CADPS2: variants seen among roughly 807,000 people sequenced by gnomAD.
CADPS2 encodes the protein calcium dependent secretion activator 2.
In CADPS2, 93 loss-of-function variants were observed where a neutral mutation model predicts 172.5. The observed-to-expected ratio is 0.54, with a 90% confidence interval of 0.46 to 0.64. The LOEUF (loss-of-function observed/expected upper bound fraction) is 0.64, where lower values mean the gene tolerates loss of function less well. CADPS2 is among the 30% of genes least tolerant of loss of function. The probability of loss-of-function intolerance (pLI) is 0.00; values close to 1 mark genes in which losing one functional copy is unlikely to be tolerated. For missense variants in CADPS2, 1,420 were observed against 1,565.9 expected (o/e 0.91, Z 1.57); for synonymous variants, 546 against 555.2 (o/e 0.98, Z 0.23).
intron 1 of CADPS2, among the ~76,000 whole-genome samples, chr7:122,826,812 T>G (rs373111426): frequency 6.6e-6 from 1 of 151,994 alleles, no homozygotes; most frequent in East Asian, 1.9e-4. Context: ...AAAGGAAAAT[T>G]TGTAGCATTA....
intron 6 of CADPS2, among the ~76,000 whole-genome samples, chr7:122,588,485 G>C (rs1231032711): frequency 2.6e-5 from 4 of 151,844 alleles, no homozygotes; most frequent in African/African-American, 9.7e-5. Flanking sequence ...TGTCAGGTTT[G>C]TCACGATGAA....
chr7:122,506,251 C>A (rs1390919581), intron 9 of CADPS2, among the ~76,000 whole-genome samples: 1 of 152,112 alleles, frequency 6.6e-6, no homozygotes, highest in African/African-American at 2.4e-5. Flanking sequence ...ATATAATTTA[C>A]TAAATTGAAA....
intron 2 of CADPS2, among the ~76,000 whole-genome samples, chr7:122,723,196 A>C (rs2090671655): frequency 6.6e-6 from 1 of 152,174 alleles, no homozygotes; most frequent in South Asian, 2.1e-4. Flanking sequence ...TAATTAAACT[A>C]AAGAGCTTCT....
intron 1 of CADPS2, among the ~76,000 whole-genome samples, chr7:122,828,326 G>A (rs749770343): frequency 6.6e-6 from 1 of 151,270 alleles, no homozygotes; most frequent in Non-Finnish European, 1.5e-5. Context: ...GGAGTTTCCT[G>A]TAAGCAACAT....
intron 27 of CADPS2, among the ~76,000 whole-genome samples, chr7:122,350,684 G>A (rs547763547): frequency 6.6e-6 from 1 of 152,244 alleles, no homozygotes; most frequent in Non-Finnish European, 1.5e-5. Flanking sequence ...GATGGGAAGA[G>A]AAACAGTTGA....
chr7:122,821,131 A>G (rs1584640015), intron 1 of CADPS2, among the ~76,000 whole-genome samples: 1 of 151,516 alleles, frequency 6.6e-6, no homozygotes, highest in South Asian at 2.1e-4. Context: ...CTGATACCAC[A>G]CCTGACCCCC....
chr7:122,610,420 AACT>A (rs2074147782), intron 6 of CADPS2, among the ~76,000 whole-genome samples: 2 of 143,934 alleles, frequency 1.4e-5, no homozygotes. Flanking sequence ...ATTCTGTAGA[AACT>A]ACGATAAGCA....
At chr7:122,851,267 G>A (rs1312054405) in intron 1 of CADPS2, among the ~76,000 whole-genome samples, 1 of 152,124 alleles carries the variant, frequency 6.6e-6, no homozygotes, top group Non-Finnish European at 1.5e-5. Context: ...GCAGTCCCCA[G>A]GGATGTTCAA....
At chr7:122,702,101 A>G in intron 2 of CADPS2, 1 of 1,613,510 alleles carries the variant, frequency 6.2e-7, no homozygotes, top group Non-Finnish European at 8.5e-7. Context: ...AGAATTGGGC[A>G]CTCTAGGTGT....
chr7:122,636,471 T>C (rs1243493361), intron 3 of CADPS2, among the ~76,000 whole-genome samples: 1 of 146,948 alleles, frequency 6.8e-6, no homozygotes, highest in African/African-American at 2.5e-5. Context: ...TGTTTTTTTT[T>C]TTTTTTTTTT....
Position 122,494,878 on chromosome 7 carries a change from AG to A in CADPS2, c.1543-3459del, listed in dbSNP as rs569615607. ...CAAATGAAAGTCAGTTGCTCCCATA[AG>A]GGTTTTTTTTTTTTATTTTTTGGTA... is the stretch of plus-strand genomic sequence containing the variant. On this transcript the variant is annotated intron_variant, in intron 9 of 29. Coordinates refer to ENST00000449022, the MANE Select transcript of CADPS2 (RefSeq NM_017954.11). Among the ~76,000 whole-genome samples the A allele has an allele frequency of 4.4e-4, 66 of 150,936 alleles. No homozygotes were observed. In the South Asian group the frequency reaches 0.014, roughly 31 times the overall value.
At chr7:122,793,917 T>C (rs1795816379) in intron 1 of CADPS2, among the ~76,000 whole-genome samples, 1 of 152,118 alleles carries the variant, frequency 6.6e-6, no homozygotes, top group Non-Finnish European at 1.5e-5. Context: ...AAACTCTAGG[T>C]TGGAATTTCT....
intron 25 of CADPS2, among the ~76,000 whole-genome samples, chr7:122,375,815 G>C (rs915807877): frequency 6.6e-6 from 1 of 150,804 alleles, no homozygotes; most frequent in Admixed American, 6.6e-5. Flanking sequence ...TCAACATAAT[G>C]AAAAGGCAAC....
intron 1 of CADPS2, among the ~76,000 whole-genome samples, chr7:122,864,741 G>C (rs1038572981): frequency 6.6e-6 from 1 of 152,086 alleles, no homozygotes; most frequent in Non-Finnish European, 1.5e-5. Context: ...AAATTACAAA[G>C]CAAACTGTAG....
intron 1 of CADPS2, among the ~76,000 whole-genome samples, chr7:122,850,946 G>T (rs1813409111): frequency 6.6e-6 from 1 of 152,180 alleles, no homozygotes; most frequent in Non-Finnish European, 1.5e-5. Context: ...CCCAGCATAT[G>T]GCAGCTGGTA....
chr7:122,709,721 G>A (rs1357161298), intron 2 of CADPS2, among the ~76,000 whole-genome samples: 4 of 152,078 alleles, frequency 2.6e-5, no homozygotes, highest in African/African-American at 9.7e-5. Context: ...GGAACACTAT[G>A]CAGCCATAAA....
chr7:122,675,055 T>C (rs1044463914), intron 2 of CADPS2, among the ~76,000 whole-genome samples: 2 of 152,228 alleles, frequency 1.3e-5, no homozygotes, highest in African/African-American at 4.8e-5. Context: ...AACATTTTAC[T>C]TCCTGATTCA....
intron 14 of CADPS2, among the ~76,000 whole-genome samples, chr7:122,458,060 C>A (rs2054003819): frequency 6.6e-6 from 1 of 152,146 alleles, no homozygotes; most frequent in African/African-American, 2.4e-5. Context: ...GTTCATGGTG[C>A]TTTTGAGTTA....
At chr7:122,432,257 G>A (rs1017742686) in intron 17 of CADPS2, among the ~76,000 whole-genome samples, 3 of 152,036 alleles carry the variant, frequency 2.0e-5, no homozygotes, top group African/African-American at 4.8e-5. Context: ...GCAAGTTAAC[G>A]CTTTTTTTCA....
Sources: gnomAD v4.1 joint callset for allele counts (sites outside exome capture counted in the v4.1 genomes callset) on GRCh38, gnomAD v4.1.1 for gene constraint, MANE v1.5 for transcripts, NCBI Gene and HGNC (gene_info 2026-07-23, HGNC 2026-07-21) for gene names.